TUBGCP4: variants seen among roughly 807,000 people sequenced by gnomAD.
TUBGCP4 encodes the protein tubulin gamma complex component 4.
Under a neutral mutation model 91.6 loss-of-function variants are expected in TUBGCP4, and 54 were observed. The ratio of observed to expected loss-of-function variants is 0.59; its 90% CI spans 0.47 to 0.74. The LOEUF is 0.74. TUBGCP4 is among the 30% of genes least tolerant of loss of function. The pLI is 0.00. For synonymous variants in TUBGCP4, 297 were observed against 302.8 expected (o/e 0.98, Z 0.20); for missense variants, 593 against 800.9 (o/e 0.74, Z 3.13).
chr15:43,385,833 C>G lies in TUBGCP4; in HGVS notation c.766C>G (p.Gln256Glu). The change falls in exon 8 of 18, where the codon CAG becomes GAG. Residue 256 changes from glutamine (Q) to glutamate (E), a missense_variant. Physicochemically the swap from Gln to Glu is conservative, Grantham distance 29 (BLOSUM62 2). Coordinates refer to ENST00000564079, the MANE Select transcript of TUBGCP4 (RefSeq NM_014444.5). ...GAACATGCTGGCACCATCTCTGAAGCAGTTTTCCCTACGAGTGGAGATTTT... is the reference window on the plus strand; with the variant it reads ...GAACATGCTGGCACCATCTCTGAAGGAGTTTTCCCTACGAGTGGAGATTTT... Reference protein sequence around the residue: ...EENMLAPSLKQFSLRVEILPS... With the variant: ...EENMLAPSLKEFSLRVEILPS... The G allele has an allele frequency of 6.2e-7, 1 of 1,614,172 alleles. No homozygotes were observed. Among genetic ancestry groups the G allele is most frequent in the Non-Finnish European group, 8.5e-7 (1 of 1,180,010 alleles).
chr15:43,377,784 C>A, intron 4 of TUBGCP4, 63 bp from the exon 5 acceptor site: 1 of 1,305,648 alleles, frequency 7.7e-7, no homozygotes, highest in South Asian at 1.3e-5. Context: ...AAGCATTTCC[C>A]AAGTTGATTT....
Position 43,405,288 on chromosome 15 carries a change from C to A in TUBGCP4, c.*74C>A. ...AACAGAAGATTCAAAACATCCCATT[C>A]TAGCCACACACAAATAAATATCTGC... is the stretch of plus-strand genomic sequence containing the variant. On this transcript the variant is annotated 3_prime_UTR_variant, in exon 18 of 18. Transcript: ENST00000564079. The A allele has an allele frequency of 6.6e-7, 1 of 1,524,222 alleles. No individual in the cohort carries two copies. Among genetic ancestry groups the A allele is most frequent in the Non-Finnish European group, 9.1e-7 (1 of 1,099,356 alleles). The allele number at this position is 1,524,222 out of a possible 1,614,324, so 94.4% of individuals were successfully genotyped here.
chr15:43,406,418 G>T lies in TUBGCP4; in HGVS notation c.*1204G>T. 2.9e-6 allele frequency: 1 copy of T among 346,198 alleles called. No homozygotes were observed. Among genetic ancestry groups the T allele is most frequent in the South Asian group, 2.3e-5 (1 of 43,094 alleles). 21.4% of individuals were successfully genotyped at this position (346,198 alleles called of 1,614,324 possible). ...ATCACCCTTTCTACTGCTGTCTCTG[G>T]AGCAGGAGCTGGCAAACTATGGCCT... On this transcript the variant is annotated 3_prime_UTR_variant, in exon 18 of 18. Transcript: ENST00000564079.
At chr15:43,403,955 A>C (rs910362530) in intron 16 of TUBGCP4, 156 bp downstream of exon 16, 2 of 612,842 alleles carry the variant, frequency 3.3e-6, no homozygotes, top group Admixed American at 2.7e-5. Flanking sequence ...GTATCAGTTG[A>C]TTTTGAAGCA....
intron 15 of TUBGCP4, chr15:43,402,418 C>T (rs897740258): frequency 1.3e-5 from 2 of 152,292 alleles, no homozygotes; most frequent in African/African-American, 4.8e-5. Context: ...TGCTTAAACC[C>T]TCAGGAGTTA....
At chr15:43,377,946 G>A in intron 5 of TUBGCP4, 43 bp downstream of exon 5, 2 of 1,416,508 alleles carry the variant, frequency 1.4e-6, no homozygotes, top group Non-Finnish European at 1.9e-6. Context: ...AAGCACTGAG[G>A]GAATATTACT....
intron 10 of TUBGCP4, 103 bp downstream of exon 10, chr15:43,395,260 A>C (rs551919591): frequency 7.9e-7 from 1 of 1,265,888 alleles, no homozygotes; most frequent in Admixed American, 1.7e-5. Flanking sequence ...CCAGACTTCC[A>C]GAGTCAACTC....
intron 5 of TUBGCP4, 91 bp downstream of exon 5, chr15:43,377,994 G>T: frequency 1.1e-6 from 1 of 905,604 alleles, no homozygotes; most frequent in South Asian, 1.7e-5. Context: ...GAAGACCCTA[G>T]TTTTTAGTAG....
chr15:43,408,910 T>G lies in TUBGCP4; in HGVS notation c.*3696T>G. 6.2e-7 allele frequency: 1 copy of G among 1,614,186 alleles called. No homozygotes were observed. ...TCAAATACTTACCAGTCCAGAATTC[T>G]TTGCTCCTCAAGGCTGTACCCAGCT... On this transcript the variant is annotated 3_prime_UTR_variant, in exon 18 of 18. Coordinates refer to ENST00000564079, the MANE Select transcript of TUBGCP4 (RefSeq NM_014444.5).
chr15:43,399,043 T>C, intron 13 of TUBGCP4: 2 of 820,204 alleles, frequency 2.4e-6, no homozygotes, highest in Non-Finnish European at 3.4e-6. Flanking sequence ...AAAAATTATC[T>C]TTATGTTTGG....
At chr15:43,374,020 T>C (rs1189694406) in intron 1 of TUBGCP4, among the ~76,000 whole-genome samples, 1 of 152,214 alleles carries the variant, frequency 6.6e-6, no homozygotes, top group Admixed American at 6.5e-5. Flanking sequence ...GTGATTAGCA[T>C]TGTGTCATTA....
intron 5 of TUBGCP4, among the ~76,000 whole-genome samples, chr15:43,378,249 A>G (rs1300683197): frequency 6.6e-6 from 1 of 152,210 alleles, no homozygotes; most frequent in Non-Finnish European, 1.5e-5. Flanking sequence ...CTTAGGAAGA[A>G]GGTAATAGGT....
In TUBGCP4 at chr15:43,386,349, A is replaced by C. The variant is rs1212665006; in HGVS notation, c.1014+19A>C. 1 of 32,300 alleles carries C rather than the reference A, an allele frequency of 3.1e-5. No homozygotes were observed. Among genetic ancestry groups the C allele is most frequent in the Non-Finnish European group, 4.9e-5 (1 of 20,540 alleles). 2.0% of individuals were successfully genotyped at this position (32,300 alleles called of 1,614,324 possible). ...GGCTGAGGTTTGTGTTTCATCGTAT[A>C]TATATATATATATATATATATATAT... On this transcript the variant is annotated intron_variant, in intron 9 of 17. Coordinates refer to ENST00000564079, the MANE Select transcript of TUBGCP4 (RefSeq NM_014444.5).
intron 4 of TUBGCP4, 79 bp downstream of exon 4, chr15:43,377,146 G>T: frequency 1.6e-6 from 2 of 1,282,864 alleles, no homozygotes; most frequent in South Asian, 1.2e-5. Flanking sequence ...CTGTTTTTGA[G>T]AACTTTTTTT....
At chr15:43,378,440 AG>A (rs2044239911) in intron 5 of TUBGCP4, among the ~76,000 whole-genome samples, 1 of 152,260 alleles carries the variant, frequency 6.6e-6, no homozygotes, top group South Asian at 2.1e-4. Context: ...ATTTCATATT[AG>A]AAGAATCTGC....
chr15:43,392,610 T>G (rs527744759), intron 9 of TUBGCP4, among the ~76,000 whole-genome samples: 1 of 152,274 alleles, frequency 6.6e-6, no homozygotes, highest in East Asian at 1.9e-4. Context: ...GCGATTCTCC[T>G]GCCTCAGCCT....
intron 15 of TUBGCP4, chr15:43,402,205 A>G: frequency 5.2e-6 from 1 of 193,494 alleles, no homozygotes; most frequent in South Asian, 9.9e-5. Context: ...GCTTGGACCC[A>G]GGAGGCAGAG....
rs774750124 is a variant in TUBGCP4 at position 43,401,697 on chromosome 15, T to A, written c.1597-19T>A. On this transcript the variant is annotated intron_variant, in intron 14 of 17. Transcript: ENST00000564079. ...CTTAGAATATGCAAAGTGCTAAAAT[T>A]TTTTGTAATGTCTATCAGGTAGATG... is the stretch of plus-strand genomic sequence containing the variant. The A allele has an allele frequency of 6.2e-7, 1 of 1,612,612 alleles. No homozygotes were observed. The highest frequency in any genetic ancestry group is 8.5e-7 in the Non-Finnish European group (1 of 1,179,564).
intron 10 of TUBGCP4, 89 bp downstream of exon 10, chr15:43,395,246 A>C: frequency 6.9e-7 from 1 of 1,441,984 alleles, no homozygotes; most frequent in Non-Finnish European, 9.8e-7. Context: ...CTGGTTGCCT[A>C]TACCCAGACT....
Sources: allele counts gnomAD v4.1 joint callset (sites outside exome capture counted in the v4.1 genomes callset), GRCh38; gene constraint gnomAD v4.1.1; transcripts MANE v1.5; gene names NCBI Gene and HGNC (gene_info 2026-07-23, HGNC 2026-07-21).